Variants in IL1RAPL1 observed in about 807,000 individuals in gnomAD.
IL1RAPL1 encodes the protein interleukin 1 receptor accessory protein like 1.
In IL1RAPL1, 3 loss-of-function variants were observed where a neutral mutation model predicts 48.4. The observed-to-expected ratio is 0.06, with a 90% CI of 0.03 to 0.16. IL1RAPL1 has a LOEUF of 0.16. IL1RAPL1 is among the 10% of genes least tolerant of loss of function. The pLI is 1.00. For missense variants in IL1RAPL1, 349 were observed against 530.6 expected, an observed-to-expected ratio of 0.66 and a Z score of 3.36; for synonymous variants, 185 against 187.7, an observed-to-expected ratio of 0.99 and a Z score of 0.12.
At chrX:29,421,443 G>A (rs766364897) in intron 5 of IL1RAPL1, among the ~76,000 whole-genome samples, 1 of 110,435 alleles carries the variant, frequency 9.1e-6, no homozygotes, top group Non-Finnish European at 1.9e-5. Context: ...TTGCAGGCCA[G>A]TTGTAGGTTC....
chrX:29,324,136 ATACAATCACATG>A (rs34985653), intron 3 of IL1RAPL1, among the ~76,000 whole-genome samples: 4,776 of 110,493 alleles, frequency 0.043, 258 homozygotes, highest in African/African-American at 0.15. Context: ...ATGACTTCTT[ATACAATCACATG>A]TACTATTCTG....
chrX:28,643,465 A>G (rs1002039210), intron 1 of IL1RAPL1, among the ~76,000 whole-genome samples: 1 of 111,236 alleles, frequency 9.0e-6, no homozygotes, highest in African/African-American at 3.3e-5. Flanking sequence ...AACCTATTCA[A>G]TGTGTGAGAA....
intron 6 of IL1RAPL1, among the ~76,000 whole-genome samples, chrX:29,885,422 G>T (rs767881841): frequency 8.1e-5 from 9 of 111,682 alleles, no homozygotes; most frequent in African/African-American, 2.0e-4. Context: ...TCCCATGGGG[G>T]CGGAAAGTTT....
At chrX:28,636,944 G>A (rs958822417) in intron 1 of IL1RAPL1, among the ~76,000 whole-genome samples, 11 of 110,900 alleles carry the variant, frequency 9.9e-5, no homozygotes, top group African/African-American at 3.6e-4. Flanking sequence ...AAGATATGTT[G>A]GTTAGAGACT....
intron 1 of IL1RAPL1, among the ~76,000 whole-genome samples, chrX:28,677,332 G>A (rs1935009916): frequency 1.8e-5 from 2 of 111,823 alleles, no homozygotes; most frequent in African/African-American, 6.5e-5. Context: ...TTTGAAACTG[G>A]CTTCAACTCC....
chrX:29,004,742 T>A (rs780444895), intron 2 of IL1RAPL1, among the ~76,000 whole-genome samples: 4 of 111,931 alleles, frequency 3.6e-5, no homozygotes, highest in Non-Finnish European at 5.6e-5. Context: ...ACACCTGTAA[T>A]CCCAGTGCTT....
At chrX:29,274,028 A>C (rs2147594068) in intron 2 of IL1RAPL1, among the ~76,000 whole-genome samples, 1 of 111,965 alleles carries the variant, frequency 8.9e-6, no homozygotes, top group African/African-American at 3.2e-5. Flanking sequence ...AAAGTTACAT[A>C]AATATCCCCA....
At chrX:29,152,827 T>A (rs1311040265) in intron 2 of IL1RAPL1, among the ~76,000 whole-genome samples, 2 of 112,433 alleles carry the variant, frequency 1.8e-5, no homozygotes, top group Non-Finnish European at 3.8e-5. Context: ...CGATATTTGG[T>A]ACTTCCAAAT....
intron 1 of IL1RAPL1, among the ~76,000 whole-genome samples, chrX:28,605,477 A>G: frequency 9.0e-6 from 1 of 111,495 alleles, no homozygotes; most frequent in East Asian, 2.8e-4. Context: ...ATCTTTACCC[A>G]GATCTAGAAT....
intron 3 of IL1RAPL1, among the ~76,000 whole-genome samples, chrX:29,335,713 A>G (rs1191568854): frequency 9.0e-6 from 1 of 111,605 alleles, no homozygotes; most frequent in Non-Finnish European, 1.9e-5. Context: ...ATATCATTCT[A>G]AACTGATAGA....
At chrX:29,557,850 C>T (rs1025768540) in intron 5 of IL1RAPL1, among the ~76,000 whole-genome samples, 1 of 109,761 alleles carries the variant, frequency 9.1e-6, no homozygotes, top group Non-Finnish European at 1.9e-5. Context: ...GCATGATATC[C>T]TTTTTTTTAA....
At chrX:28,807,124 A>C (rs1443256128) in intron 2 of IL1RAPL1, among the ~76,000 whole-genome samples, 1 of 110,988 alleles carries the variant, frequency 9.0e-6, no homozygotes, top group Non-Finnish European at 1.9e-5. Context: ...TTTTGTCCAC[A>C]CTTCCTTTCA....
chrX:28,604,645 T>C (rs1934063499), intron 1 of IL1RAPL1, among the ~76,000 whole-genome samples: 1 of 102,667 alleles, frequency 9.7e-6, no homozygotes, highest in Non-Finnish European at 2.0e-5. Flanking sequence ...GAGAATCACT[T>C]GAACCCGGGA....
intron 2 of IL1RAPL1, among the ~76,000 whole-genome samples, chrX:29,135,730 A>AATTT (rs1182809918): frequency 3.6e-5 from 4 of 110,852 alleles, no homozygotes; most frequent in Admixed American, 1.9e-4. Flanking sequence ...CTTAGTAGAG[A>AATTT]ATTTATTTAT....
intron 2 of IL1RAPL1, among the ~76,000 whole-genome samples, chrX:29,143,537 C>T (rs187679152): frequency 1.2e-3 from 129 of 111,557 alleles, no homozygotes; most frequent in Non-Finnish European, 4.0e-4. Flanking sequence ...CTCCCTCTGT[C>T]CTGTCCAGGA....
At chrX:28,910,838 A>T (rs371081871) in intron 2 of IL1RAPL1, among the ~76,000 whole-genome samples, 23 of 109,887 alleles carry the variant, frequency 2.1e-4, no homozygotes, top group African/African-American at 6.6e-4. Context: ...CATTTTGGCA[A>T]TAGAAAATGT....
chrX:29,385,975 T>A (rs1196621564), intron 3 of IL1RAPL1, among the ~76,000 whole-genome samples: 1 of 112,313 alleles, frequency 8.9e-6, no homozygotes, highest in African/African-American at 3.2e-5. Flanking sequence ...TTCTAATTTC[T>A]CCACTCCTTG....
intron 2 of IL1RAPL1, among the ~76,000 whole-genome samples, chrX:29,080,576 G>A (rs1360854076): frequency 9.3e-6 from 1 of 107,837 alleles, no homozygotes; most frequent in Non-Finnish European, 1.9e-5. Flanking sequence ...AAGAGAGAAG[G>A]ATGGATTCTA....
intron 2 of IL1RAPL1, among the ~76,000 whole-genome samples, chrX:29,150,382 TAGC>T (rs746860442): frequency 4.0e-4 from 44 of 111,121 alleles, no homozygotes; most frequent in African/African-American, 1.3e-3. Context: ...ACAACAATAA[TAGC>T]AGCAGCAGCA....
Sources: gnomAD v4.1 joint callset for allele counts (sites outside exome capture counted in the v4.1 genomes callset) on GRCh38, gnomAD v4.1.1 for gene constraint, MANE v1.5 for transcripts, NCBI Gene and HGNC (gene_info 2026-07-23, HGNC 2026-07-21) for gene names.